Variants in ZNF385D observed in about 807,000 individuals in gnomAD.
ZNF385D encodes zinc finger protein 659.
A neutral mutation model predicts 35.8 loss-of-function variants in ZNF385D; 15 were observed. That is an observed-to-expected ratio of 0.42 (90% confidence interval 0.28 to 0.64). ZNF385D has a LOEUF of 0.64. Ranked by LOEUF, ZNF385D falls within the 30% of genes least tolerant of loss-of-function variation. The pLI is 0.23. For missense variants in ZNF385D, 474 were observed against 494.6 expected, an observed-to-expected ratio of 0.96 and a Z score of 0.39; for synonymous variants, 212 against 186.8, an observed-to-expected ratio of 1.13 and a Z score of -1.10.
Position 22,073,092 on chromosome 3 carries a change from A to G in ZNF385D, c.325+95725T>C, listed in dbSNP as rs1208883004. 2.0e-5 allele frequency among the ~76,000 whole-genome samples: 3 copies of G among 152,006 alleles called. 1 individual carries two copies. Among genetic ancestry groups the G allele is most frequent in the African/African-American group, 4.8e-5 (2 of 41,418 alleles). ...TTCAGAAGGAAAAATGTAGCAATCC[A>G]TAAGGGCAGAGACAAGCAGTCCTGG... On this transcript the variant is annotated intron_variant, in intron 3 of 5. Coordinates refer to the ZNF385D transcript ENST00000494108.
At chr3:21,489,889 C>T (rs1705298080) in intron 4 of ZNF385D, among the ~76,000 whole-genome samples, 1 of 152,100 alleles carries the variant, frequency 6.6e-6, no homozygotes, top group Non-Finnish European at 1.5e-5. Context: ...AGACCTCTTT[C>T]TGACTTCCTT....
chr3:21,898,245 G>A (rs557975504), intron 3 of ZNF385D, among the ~76,000 whole-genome samples: 70 of 152,102 alleles, frequency 4.6e-4, no homozygotes, highest in African/African-American at 1.6e-3. Flanking sequence ...TATTATCACC[G>A]AACAATGAAG....
In ZNF385D at chr3:22,088,219, G is replaced by A. The variant is rs181948653; in HGVS notation, c.325+80598C>T. 4.7e-3 allele frequency among the ~76,000 whole-genome samples: 713 copies of A among 152,280 alleles called. 10 individuals carry two copies. The highest frequency in any genetic ancestry group is 0.016 in the African/African-American group (649 of 41,566). ...CTGCAAGGCATGTTAACATGGGCACGATGAGCAAATGCTGAAGGAGAAAGT... is the reference window on the plus strand; with the variant it reads ...CTGCAAGGCATGTTAACATGGGCACAATGAGCAAATGCTGAAGGAGAAAGT... On this transcript the variant is annotated intron_variant, in intron 3 of 5. Transcript: ENST00000494108.
intron 3 of ZNF385D, among the ~76,000 whole-genome samples, chr3:22,087,153 A>G (rs192867993): frequency 6.6e-6 from 1 of 152,192 alleles, no homozygotes; most frequent in African/African-American, 2.4e-5. Flanking sequence ...TTTTTGAAAC[A>G]GCATTATTTG....
chr3:22,326,785 T>A (rs975129306), intron 2 of ZNF385D, among the ~76,000 whole-genome samples: 1 of 152,204 alleles, frequency 6.6e-6, no homozygotes, highest in South Asian at 2.1e-4. Flanking sequence ...ACTAAATACA[T>A]CTGTGTAAGG....
At position 21,435,860 on chromosome 3, in the gene ZNF385D, G is replaced by A. The variant is rs187953760; in HGVS notation, c.673+1110C>T. Among the ~76,000 whole-genome samples, 36 of 152,204 alleles carry A rather than the reference G, an allele frequency of 2.4e-4. No individual in the cohort carries two copies. The East Asian group carries it at 6.2e-3, about 26-fold the overall frequency. On this transcript the variant is annotated intron_variant, in intron 5 of 7. Transcript: ENST00000281523. ...CATGAACTCTCTCATTACAACTAAC[G>A]TTATATGCTGGAGGAAGGTGTGTGT...
At chr3:22,244,736 T>G (rs2125319369) in intron 2 of ZNF385D, among the ~76,000 whole-genome samples, 1 of 151,240 alleles carries the variant, frequency 6.6e-6, no homozygotes, top group East Asian at 2.0e-4. Flanking sequence ...TGCAGGTATT[T>G]AATGCCTCAG....
chr3:21,481,708 A>AT (rs1359342904), intron 4 of ZNF385D, among the ~76,000 whole-genome samples: 1 of 152,034 alleles, frequency 6.6e-6, no homozygotes, highest in Admixed American at 6.6e-5. Flanking sequence ...ATAGCTTCTA[A>AT]TTTTTAAGGA....
At chr3:21,826,070 C>T (rs1224564096) in intron 3 of ZNF385D, among the ~76,000 whole-genome samples, 1 of 152,176 alleles carries the variant, frequency 6.6e-6, no homozygotes, top group Non-Finnish European at 1.5e-5. Flanking sequence ...AAATGTCTTC[C>T]ACAAAACTGG....
At position 22,205,943 on chromosome 3, in the gene ZNF385D, C is replaced by T. The variant is rs1350550185; in HGVS notation, c.107-36908G>A. 4.0e-5 allele frequency among the ~76,000 whole-genome samples: 6 copies of T among 151,874 alleles called. No homozygotes were observed. In the South Asian group the frequency reaches 1.2e-3, roughly 31 times the overall value. Reference sequence around the variant, plus strand: ...ATTGAATGTAAATGGACTAAACTTCCCCATCAAAAGACATAGAGTGGCTGA... The same window carrying T: ...ATTGAATGTAAATGGACTAAACTTCTCCATCAAAAGACATAGAGTGGCTGA... On this transcript the variant is annotated intron_variant, in intron 2 of 5. Coordinates refer to the ZNF385D transcript ENST00000494108.
Position 21,682,274 on chromosome 3 carries a change from T to G in ZNF385D, c.23-17246A>C, listed in dbSNP as rs2066940258. 1.5e-5 allele frequency among the ~76,000 whole-genome samples: 2 copies of G among 133,152 alleles called. 1 individual carries two copies. Among genetic ancestry groups the G allele is most frequent in the South Asian group, 4.8e-4 (2 of 4,152 alleles). The allele number at this position is 133,152 out of a possible 152,430, so 87.4% of individuals were successfully genotyped here. ...TTGGCTAAGTATGTTGAAAATCTAA[T>G]AACTTATGAAAGATGTACACAACCT... On this transcript the variant is annotated intron_variant, in intron 1 of 7. Coordinates refer to ENST00000281523, the MANE Select transcript of ZNF385D (RefSeq NM_024697.3).
chr3:22,071,965 C>G (rs1186680774), intron 3 of ZNF385D, among the ~76,000 whole-genome samples: 2 of 151,958 alleles, frequency 1.3e-5, no homozygotes, highest in Non-Finnish European at 2.9e-5. Context: ...TACCAAGAAA[C>G]CTGAAGTAAA....
intron 3 of ZNF385D, among the ~76,000 whole-genome samples, chr3:22,090,026 G>A (rs1207470691): frequency 1.3e-5 from 2 of 152,016 alleles, no homozygotes; most frequent in Non-Finnish European, 1.5e-5. Context: ...TTTTAGTAGA[G>A]ACAGGGTTTC....
At chr3:22,213,628 T>C (rs1357791176) in intron 2 of ZNF385D, among the ~76,000 whole-genome samples, 2 of 152,140 alleles carry the variant, frequency 1.3e-5, no homozygotes, top group African/African-American at 2.4e-5. Context: ...CACTTAACTA[T>C]AACACAAGTT....
intron 2 of ZNF385D, among the ~76,000 whole-genome samples, chr3:22,233,093 G>C (rs963662190): frequency 6.6e-6 from 1 of 151,560 alleles, no homozygotes; most frequent in Admixed American, 6.6e-5. Flanking sequence ...TTTGTTTTTA[G>C]TATACTCCGT....
At chr3:21,860,781 C>T (rs1697006001) in intron 3 of ZNF385D, among the ~76,000 whole-genome samples, 1 of 152,146 alleles carries the variant, frequency 6.6e-6, no homozygotes. Flanking sequence ...TCTGCTGCTC[C>T]AGGGAAGGCC....
chr3:22,034,025 G>A (rs1405408765), intron 3 of ZNF385D, among the ~76,000 whole-genome samples: 1 of 152,136 alleles, frequency 6.6e-6, no homozygotes, highest in Non-Finnish European at 1.5e-5. Context: ...TGCTTTCAGA[G>A]AACCCTGTAA....
chr3:22,007,658 C>A (rs1297331594), intron 3 of ZNF385D, among the ~76,000 whole-genome samples: 1 of 152,136 alleles, frequency 6.6e-6, no homozygotes, highest in African/African-American at 2.4e-5. Context: ...TGCTGCCTAT[C>A]TTTTCAATCC....
chr3:21,437,721 C>T (rs1469249268), intron 4 of ZNF385D, among the ~76,000 whole-genome samples: 4 of 10,940 alleles, frequency 3.7e-4, no homozygotes, highest in African/African-American at 7.7e-4. Context: ...AAAAAAAAAC[C>T]GGAACCCTGA....
Sources: allele counts gnomAD v4.1 joint callset (sites outside exome capture counted in the v4.1 genomes callset), GRCh38; gene constraint gnomAD v4.1.1; transcripts MANE v1.5; gene names NCBI Gene and HGNC (gene_info 2026-07-23, HGNC 2026-07-21).